The following SLC25A21 variants were observed in gnomAD, a reference collection of about 807,000 sequenced individuals.
SLC25A21 encodes the protein solute carrier family 25 member 21, also known as mitochondrial 2-oxodicarboxylate carrier.
A neutral mutation model predicts 43.8 loss-of-function variants in SLC25A21; 47 were observed. That is an observed-to-expected ratio of 1.07 (90% CI 0.85 to 1.37). The LOEUF is 1.37. SLC25A21 is among the 40% of genes most tolerant of loss of function. SLC25A21 has a pLI of 0.00. For synonymous variants in SLC25A21, 131 were observed against 121.3 expected (o/e 1.08, Z -0.52); for missense variants, 352 against 350.2 (o/e 1.00, Z -0.04).
intron 1 of SLC25A21, among the ~76,000 whole-genome samples, chr14:36,999,575 G>A (rs955576494): frequency 1.3e-5 from 2 of 152,178 alleles, no homozygotes; most frequent in Admixed American, 6.6e-5. Flanking sequence ...GTGGGCAGGG[G>A]TGATGTTGAT....
intron 2 of SLC25A21, among the ~76,000 whole-genome samples, chr14:36,842,247 T>C (rs1889406488): frequency 6.6e-6 from 1 of 152,210 alleles, no homozygotes; most frequent in African/African-American, 2.4e-5. Flanking sequence ...AATTCCCTGA[T>C]TTTACCTGGG....
At chr14:37,148,816 A>T (rs1963711209) in intron 1 of SLC25A21, among the ~76,000 whole-genome samples, 1 of 152,260 alleles carries the variant, frequency 6.6e-6, no homozygotes, top group South Asian at 2.1e-4. Flanking sequence ...ACTAATAACA[A>T]AAAATCAAGG....
chr14:36,963,305 G>A (rs970757000), intron 1 of SLC25A21, among the ~76,000 whole-genome samples: 1 of 152,066 alleles, frequency 6.6e-6, no homozygotes, highest in Non-Finnish European at 1.5e-5. Context: ...CAAAAATGCT[G>A]CTTAGATCAT....
chr14:37,095,783 T>A (rs1594790371), intron 1 of SLC25A21, among the ~76,000 whole-genome samples: 1 of 138,992 alleles, frequency 7.2e-6, no homozygotes, highest in South Asian at 2.4e-4. Context: ...AATGTATATA[T>A]GTATATATAT....
chr14:36,754,213 G>A (rs531030463), intron 3 of SLC25A21, among the ~76,000 whole-genome samples: 2 of 152,218 alleles, frequency 1.3e-5, no homozygotes, highest in African/African-American at 4.8e-5. Flanking sequence ...AATGTGGGTG[G>A]GTCTCATCCA....
At chr14:36,956,147 G>A (rs561129825) in intron 1 of SLC25A21, among the ~76,000 whole-genome samples, 3 of 152,178 alleles carry the variant, frequency 2.0e-5, no homozygotes, top group South Asian at 2.1e-4. Context: ...TTAGCATCAC[G>A]CTGAGCCTCG....
chr14:36,725,368 G>C (rs993219253), intron 6 of SLC25A21: 4 of 181,984 alleles, frequency 2.2e-5, no homozygotes, highest in African/African-American at 7.2e-5. Flanking sequence ...CCAGCTACGA[G>C]GGAGGCTGAG....
intron 6 of SLC25A21, among the ~76,000 whole-genome samples, chr14:36,714,589 C>A (rs17105098): frequency 0.12 from 18,090 of 152,244 alleles, 1,159 homozygotes; most frequent in Admixed American, 0.15. Context: ...TGGAAAAGCA[C>A]ATGAATTGGG....
chr14:36,755,061 A>G (rs1305655255), intron 3 of SLC25A21, among the ~76,000 whole-genome samples: 1 of 152,224 alleles, frequency 6.6e-6, no homozygotes, highest in Non-Finnish European at 1.5e-5. Context: ...ACAATCTACA[A>G]TTCTAAAATA....
intron 1 of SLC25A21, among the ~76,000 whole-genome samples, chr14:36,903,410 G>A (rs1178459527): frequency 2.6e-5 from 4 of 151,792 alleles, no homozygotes; most frequent in African/African-American, 7.2e-5. Context: ...TCAGGAGTTC[G>A]AGACCAGCCT....
intron 2 of SLC25A21, among the ~76,000 whole-genome samples, chr14:36,818,891 T>C (rs192889058): frequency 3.3e-5 from 5 of 152,282 alleles, no homozygotes; most frequent in African/African-American, 4.8e-5. Flanking sequence ...GAGACAATTT[T>C]CCAGTTACAT....
At chr14:36,945,834 G>T (rs1892668244) in intron 1 of SLC25A21, among the ~76,000 whole-genome samples, 1 of 152,094 alleles carries the variant, frequency 6.6e-6, no homozygotes, top group African/African-American at 2.4e-5. Flanking sequence ...TAATGCCACT[G>T]AACTATACAC....
At chr14:36,770,526 G>A (rs1488571268) in intron 3 of SLC25A21, among the ~76,000 whole-genome samples, 1 of 152,122 alleles carries the variant, frequency 6.6e-6, no homozygotes, top group Admixed American at 6.5e-5. Context: ...TAAAATAAAA[G>A]TTGAAATTAT....
intron 1 of SLC25A21, among the ~76,000 whole-genome samples, chr14:37,047,583 C>T (rs568588103): frequency 1.1e-4 from 17 of 152,240 alleles, no homozygotes; most frequent in African/African-American, 3.6e-4. Flanking sequence ...TCAAACAGCA[C>T]GATCATTCCA....
At chr14:36,951,207 C>A in intron 1 of SLC25A21, among the ~76,000 whole-genome samples, 1 of 138,900 alleles carries the variant, frequency 7.2e-6, no homozygotes, top group Non-Finnish European at 1.5e-5. Context: ...AATAGTTTAA[C>A]AATAGTTTGC....
At chr14:36,734,322 C>G (rs970137675) in intron 4 of SLC25A21, among the ~76,000 whole-genome samples, 185 bp downstream of exon 4, 1 of 152,092 alleles carries the variant, frequency 6.6e-6, no homozygotes, top group East Asian at 1.9e-4. Flanking sequence ...TTAAAAAAAT[C>G]TACAAATTGA....
At chr14:36,689,396 T>C (rs1194012621) in intron 7 of SLC25A21, among the ~76,000 whole-genome samples, 1 of 152,052 alleles carries the variant, frequency 6.6e-6, no homozygotes, top group East Asian at 1.9e-4. Context: ...TCTGTGTCTG[T>C]GTAGATGAGC....
intron 2 of SLC25A21, among the ~76,000 whole-genome samples, chr14:36,852,560 T>G (rs557614285): frequency 2.0e-5 from 3 of 152,300 alleles, no homozygotes; most frequent in African/African-American, 7.2e-5. Context: ...CAGAAAGTAA[T>G]ATATAGTGTG....
chr14:36,987,830 T>C (rs1162451749), intron 1 of SLC25A21, among the ~76,000 whole-genome samples: 1 of 152,210 alleles, frequency 6.6e-6, no homozygotes, highest in African/African-American at 2.4e-5. Context: ...TCCAGAAAAA[T>C]GACATCAATT....
Sources: gnomAD v4.1 joint callset for allele counts (sites outside exome capture counted in the v4.1 genomes callset) on GRCh38, gnomAD v4.1.1 for gene constraint, MANE v1.5 for transcripts, NCBI Gene and HGNC (gene_info 2026-07-23, HGNC 2026-07-21) for gene names.